Variants in ATG2A observed in about 807,000 individuals in gnomAD.
ATG2A encodes the protein autophagy related 2A.
ATG2A carries 103 observed loss-of-function variants against 214.2 expected under a neutral mutation model. That is an observed-to-expected ratio of 0.48 (90% confidence interval 0.41 to 0.57). ATG2A has a LOEUF of 0.57. Ranked by LOEUF, ATG2A falls within the 20% of genes least tolerant of loss-of-function variation. ATG2A has a pLI of 0.00. For missense variants in ATG2A, 2,312 were observed against 2,613.2 expected, an observed-to-expected ratio of 0.88 and a Z score of 2.51; for synonymous variants, 1,160 against 1,142.1, an observed-to-expected ratio of 1.02 and a Z score of -0.32.
chr11:64,916,314 G>T (rs1177758960), intron 1 of ATG2A, among the ~76,000 whole-genome samples: 1 of 152,170 alleles, frequency 6.6e-6, no homozygotes, highest in Non-Finnish European at 1.5e-5. Context: ...GTCGGTGGGA[G>T]ATGTAGGTGG....
Position 64,913,718 on chromosome 11 carries a change from C to A in ATG2A, c.590+103G>T. The A allele has an allele frequency of 8.2e-7, 1 of 1,212,320 alleles. No individual in the cohort carries two copies. The highest frequency in any genetic ancestry group is 1.2e-6 in the Non-Finnish European group (1 of 843,086). The allele number at this position is 1,212,320 out of a possible 1,614,324, so 75.1% of individuals were successfully genotyped here. A position where few individuals can be genotyped will look rare whatever the true frequency, so the allele number is the denominator to read the frequency against. ...TACCACCACCGAGGCCCATCCAGAT[C>A]CACCCTGCCTCTTCCCAGGAACCTA... On this transcript the variant is annotated intron_variant, in intron 4 of 40. Coordinates refer to ENST00000377264, the MANE Select transcript of ATG2A (RefSeq NM_015104.3). This position sits in a 1 kb window ranked among gnomAD's most constrained non-coding sequence, Gnocchi z 4.3.
chr11:64,913,354 G>C lies in ATG2A; in HGVS notation c.638C>G (p.Pro213Arg). 1 of 1,601,056 alleles carries C rather than the reference G, an allele frequency of 6.2e-7. No homozygotes were observed. ...GGCAGGCGGCTGATGCACGTCCACC[G>C]GCGGCGCCTGGCTTGGGTCCCGCAC... is the stretch of plus-strand genomic sequence containing the variant. ...EAVRDPSQAP[P>R]VDVHQPPAFL... Residue 213 changes from proline to arginine, a missense_variant, in exon 5 of 41, where the codon CCG becomes CGG. Pro to Arg is a moderately radical substitution (Grantham distance 103). Coordinates refer to ENST00000377264, the MANE Select transcript of ATG2A (RefSeq NM_015104.3). The surrounding 1 kb of genome is among the most constrained non-coding windows in gnomAD (Gnocchi z 4.3).
chr11:64,897,640 C>T (rs987910969), intron 36 of ATG2A, 31 bp downstream of exon 36: 3 of 1,613,966 alleles, frequency 1.9e-6, no homozygotes, highest in African/African-American at 2.7e-5. Flanking sequence ...GCTGACCCCA[C>T]ATGGCCACCC....
intron 24 of ATG2A, among the ~76,000 whole-genome samples, chr11:64,904,501 C>T (rs1271715469): frequency 6.6e-6 from 1 of 151,642 alleles, no homozygotes; most frequent in South Asian, 2.1e-4. Context: ...GCTGAGATTG[C>T]GCCACTGCAC....
Position 64,894,944 on chromosome 11 carries a change from G to T in ATG2A, c.*29C>A. 6.2e-7 allele frequency: 1 copy of T among 1,609,096 alleles called. No homozygotes were observed. On this transcript the variant is annotated 3_prime_UTR_variant, in exon 41 of 41. Coordinates refer to ENST00000377264, the MANE Select transcript of ATG2A (RefSeq NM_015104.3). ...GGGAGGCTCAGGAGCATGGTGGGCAGCACCCTCTGGGTGCCGGGCACCCCA... is the reference window on the plus strand; with the variant it reads ...GGGAGGCTCAGGAGCATGGTGGGCATCACCCTCTGGGTGCCGGGCACCCCA...
Position 64,895,998 on chromosome 11 carries a change from T to C in ATG2A, c.5427+464A>G, listed in dbSNP as rs1944135787. ...CAGGTTCCAGAATGCACCATGCACC[T>C]GCACTCACCCCTTAGCCGCCTAGGA... On this transcript the variant is annotated intron_variant, in intron 39 of 40. Coordinates refer to ENST00000377264, the MANE Select transcript of ATG2A (RefSeq NM_015104.3). This position sits in a 1 kb window ranked among gnomAD's most constrained non-coding sequence, Gnocchi z 5.0. 6.6e-6 allele frequency among the ~76,000 whole-genome samples: 1 copy of C among 152,184 alleles called. No individual in the cohort carries two copies. The highest frequency in any genetic ancestry group is 1.5e-5 in the Non-Finnish European group (1 of 68,030).
chr11:64,909,713 G>T lies in ATG2A; in HGVS notation c.2075C>A (p.Thr692Asn). 6.2e-7 allele frequency: 1 copy of T among 1,613,194 alleles called. No individual in the cohort carries two copies. The highest frequency in any genetic ancestry group is 8.5e-7 in the Non-Finnish European group (1 of 1,180,004). ...LSSGPGPPVP[T>N]HLELTCSDLH... ...GTCGGAGCAGGTGAGTTCCAGGTGG[G>T]TGGGGACTGGGGGACCAGGCCCACT... The change falls in exon 14 of 41, where the codon ACC becomes AAC. Residue 692 changes from threonine (T) to asparagine (N), a missense_variant. Transcript: ENST00000377264.
intron 1 of ATG2A, among the ~76,000 whole-genome samples, chr11:64,916,308 G>T (rs1430988846): frequency 1.3e-5 from 2 of 152,150 alleles, no homozygotes; most frequent in African/African-American, 2.4e-5. Context: ...GGGGGGGTCG[G>T]TGGGAGATGT....
chr11:64,910,891 T>C lies in ATG2A; in HGVS notation c.1530A>G (p.Thr510=). 6.2e-7 allele frequency: 1 copy of C among 1,610,872 alleles called. No homozygotes were observed. The highest frequency in any genetic ancestry group is 1.7e-5 in the Admixed American group (1 of 59,764). The change falls in exon 11 of 41, where the codon ACA becomes ACG. Residue 510 remains threonine, a synonymous_variant. Coordinates refer to ENST00000377264, the MANE Select transcript of ATG2A (RefSeq NM_015104.3). ...ELRTGSRGRR[T]TSMEVHFGQL... is the part of the protein sequence containing the mutation. ...GCCCGAAGTGCACTTCCATGCTGGT[T>C]GTCCGCCGGCCCCGACTGCCCGTCC... is the stretch of plus-strand genomic sequence containing the variant.
In ATG2A at chr11:64,914,473, C is replaced by G. The variant is rs1256598310; in HGVS notation, c.199G>C (p.Glu67Gln). ...WSVNEVLESM[E>Q]SPLELVEGFV... is the part of the protein sequence containing the mutation. ...CCTTCCACCAGCTCCAGCGGTGACT[C>G]CATTGACTCCAGCACCTCGTTCACA... Residue 67 changes from glutamate (E) to glutamine (Q), a missense_variant, in exon 2 of 41, where the codon GAG (glutamate) becomes CAG (glutamine). Transcript: ENST00000377264. The G allele has an allele frequency of 3.1e-6, 5 of 1,612,810 alleles. No individual in the cohort carries two copies. Among genetic ancestry groups the G allele is most frequent in the Non-Finnish European group, 4.2e-6 (5 of 1,179,746 alleles).
Position 64,913,770 on chromosome 11 carries a change from C to A in ATG2A, c.590+51G>T, listed in dbSNP as rs1180656496. 1 of 1,547,330 alleles carries A rather than the reference C, an allele frequency of 6.5e-7. No homozygotes were observed. The highest frequency in any genetic ancestry group is 8.9e-7 in the Non-Finnish European group (1 of 1,127,584). On this transcript the variant is annotated intron_variant, in intron 4 of 40. Coordinates refer to ENST00000377264, the MANE Select transcript of ATG2A (RefSeq NM_015104.3). The surrounding 1 kb of genome is among the most constrained non-coding windows in gnomAD (Gnocchi z 4.3). Reference sequence around the variant, plus strand: ...GCTGCGGGTGGGGACCATCCAGCAGCCCCCACTCCCCATCTTCACACCAGT... The same window carrying A: ...GCTGCGGGTGGGGACCATCCAGCAGACCCCACTCCCCATCTTCACACCAGT...
chr11:64,903,428 G>A lies in ATG2A; in HGVS notation c.3536-64C>T. On this transcript the variant is annotated intron_variant, in intron 25 of 40. Transcript: ENST00000377264. The surrounding 1 kb of genome is among the most constrained non-coding windows in gnomAD (Gnocchi z 4.2). The stretch of plus-strand genomic sequence containing the variant: ...CCACCCGGCCCCGGCCCCAGCACCT[G>A]GGGGAAGGATCCGGTTGATCCAGGT... 1 of 1,582,414 alleles carries A rather than the reference G, an allele frequency of 6.3e-7. No homozygotes were observed. The highest frequency in any genetic ancestry group is 1.1e-5 in the South Asian group (1 of 89,524).
At chr11:64,912,477 A>G (rs572887210) in intron 6 of ATG2A, 54 bp from the exon 7 acceptor site, 61 of 1,437,992 alleles carry the variant, frequency 4.2e-5, no homozygotes, top group South Asian at 4.1e-4. Context: ...AGCTCCTCTA[A>G]GAGCTACCAC....
At chr11:64,900,433 G>C in intron 31 of ATG2A, 61 bp downstream of exon 31, 2 of 1,608,050 alleles carry the variant, frequency 1.2e-6, no homozygotes, top group Non-Finnish European at 1.7e-6. Flanking sequence ...ACGTGACATC[G>C]AGAACAAGGC....
intron 27 of ATG2A, 55 bp from the exon 28 acceptor site, chr11:64,902,441 C>A: frequency 6.5e-7 from 1 of 1,528,794 alleles, no homozygotes; most frequent in East Asian, 2.5e-5. Context: ...TCCCCCAACC[C>A]CAGGCCCGAG....
rs1945022805 is a variant in ATG2A at position 64,917,194 on chromosome 11, G to C, written c.-59C>G. ...TGCCGCCCGCCGGCGATCCCCGTCC[G>C]GCTCCGCTGTTCACTAGAGCCCCCG... On this transcript the variant is annotated 5_prime_UTR_variant, in exon 1 of 41. Transcript: ENST00000377264. The C allele has an allele frequency of 1.1e-5, 17 of 1,525,788 alleles. No individual in the cohort carries two copies. The highest frequency in any genetic ancestry group is 1.9e-4 in the Middle Eastern group (1 of 5,374). 94.5% of individuals were successfully genotyped at this position (1,525,788 alleles called of 1,614,324 possible).
intron 9 of ATG2A, 57 bp from the exon 10 acceptor site, chr11:64,911,332 G>T: frequency 6.4e-7 from 1 of 1,561,024 alleles, no homozygotes. Flanking sequence ...ACCCCAGGTG[G>T]AGCAATAGTT....
chr11:64,909,303 G>A lies in ATG2A; in HGVS notation c.2172C>T (p.Pro724=), dbSNP rs1456730084. 1 of 1,613,712 alleles carries A rather than the reference G, an allele frequency of 6.2e-7. No individual in the cohort carries two copies. The highest frequency in any genetic ancestry group is 8.5e-7 in the Non-Finnish European group (1 of 1,179,992). Residue 724 remains proline, a synonymous_variant, in exon 15 of 41, where the codon CCC becomes CCT. Coordinates refer to ENST00000377264, the MANE Select transcript of ATG2A (RefSeq NM_015104.3). The part of the protein sequence containing the change: ...PCLRVSKALD[P]KSTGRKYFLP... ...GGAAGTACTTGCGCCCAGTGCTCTT[G>A]GGGTCCAGGGCTTTGGAGACACGCA...
In ATG2A at chr11:64,896,872, G is replaced by A. The variant is rs751153590; in HGVS notation, c.5151-3C>T. 1 of 1,613,352 alleles carries A rather than the reference G, an allele frequency of 6.2e-7. No individual in the cohort carries two copies. The highest frequency in any genetic ancestry group is 1.3e-5 in the African/African-American group (1 of 74,936). ...GCACCTTGTCCACACCCAGGAGCCT[G>A]GCAGGGCAGGGAGGTGAGGAGGCAG... is the stretch of plus-strand genomic sequence containing the variant. On this transcript the variant is annotated splice_polypyrimidine_tract_variant and splice_region_variant and intron_variant, in intron 37 of 40. Coordinates refer to ENST00000377264, the MANE Select transcript of ATG2A (RefSeq NM_015104.3).
Sources: allele counts gnomAD v4.1 joint callset (sites outside exome capture counted in the v4.1 genomes callset), GRCh38; gene constraint gnomAD v4.1.1; non-coding constraint Gnocchi (gnomAD v3.1); transcripts MANE v1.5; gene names NCBI Gene and HGNC (gene_info 2026-07-23, HGNC 2026-07-21).